FAIM2: variants seen among roughly 807,000 people sequenced by gnomAD.
FAIM2 encodes the protein protein lifeguard 2.
A neutral mutation model predicts 47.4 loss-of-function variants in FAIM2; 27 were observed. That is an observed-to-expected ratio of 0.57 (90% confidence interval 0.42 to 0.78). FAIM2 has a LOEUF of 0.78. Ranked by LOEUF, FAIM2 falls within the 30% of genes least tolerant of loss-of-function variation. The pLI is 0.00. For missense variants in FAIM2, 311 were observed against 389.4 expected, an observed-to-expected ratio of 0.80 and a Z score of 1.69; for synonymous variants, 156 against 159.3, an observed-to-expected ratio of 0.98 and a Z score of 0.16.
At chr12:49,877,986 TTA>T (rs1946750911) in intron 11 of FAIM2, among the ~76,000 whole-genome samples, 2 of 147,522 alleles carry the variant, frequency 1.4e-5, no homozygotes, top group Non-Finnish European at 3.0e-5. Context: ...ATGTATGTGT[TTA>T]TGTGTATGTG....
chr12:49,878,844 A>G (rs1797075583), intron 11 of FAIM2, among the ~76,000 whole-genome samples: 1 of 56,222 alleles, frequency 1.8e-5, no homozygotes, highest in Non-Finnish European at 3.1e-5. Context: ...ATGTGTGTGC[A>G]TGTGTGTATG....
At chr12:49,897,855 G>T (rs1946950132) in intron 3 of FAIM2, 132 bp downstream of exon 3, 3 of 711,288 alleles carry the variant, frequency 4.2e-6, no homozygotes, top group African/African-American at 1.8e-5. Context: ...AATTCCTAGT[G>T]GGTGCTGTCA....
At chr12:49,897,808 G>A (rs1176494944) in intron 3 of FAIM2, among the ~76,000 whole-genome samples, 179 bp downstream of exon 3, 9 of 152,186 alleles carry the variant, frequency 5.9e-5, no homozygotes, top group Non-Finnish European at 8.8e-5. Context: ...GTGTGTTTAG[G>A]TGTAGCACAG....
chr12:49,877,792 ATATG>A lies in FAIM2; in HGVS notation c.802-7143_802-7140del, dbSNP rs1193826667. Reference sequence around the variant, plus strand: ...TATGTATATGTGTGTGCATGTGTATATATGTGTGTGAGTGTGCGTATGTGTATGT... The same window carrying A: ...TATGTATATGTGTGTGCATGTGTATATGTGTGAGTGTGCGTATGTGTATGT... On this transcript the variant is annotated intron_variant, in intron 11 of 11. Transcript: ENST00000320634. Among the ~76,000 whole-genome samples, 4 of 151,408 alleles carry A rather than the reference ATATG, an allele frequency of 2.6e-5. No individual in the cohort carries two copies. In the East Asian group the frequency reaches 5.8e-4, roughly 22 times the overall value.
intron 11 of FAIM2, among the ~76,000 whole-genome samples, chr12:49,871,875 A>G (rs572086508): frequency 6.6e-6 from 1 of 152,266 alleles, no homozygotes; most frequent in Non-Finnish European, 1.5e-5. Context: ...CATGTTGGTC[A>G]GGCTGGTCCT....
In FAIM2 at chr12:49,868,869, C is replaced by T. The variant is rs992003734; in HGVS notation, c.*1635G>A. On this transcript the variant is annotated 3_prime_UTR_variant, in exon 12 of 12. Transcript: ENST00000320634. ...CCCGCCAGTTCTTGGCTCCTTTTCTCTTCAAATATCCAAGATGGAACAAAA... is the reference window on the plus strand; with the variant it reads ...CCCGCCAGTTCTTGGCTCCTTTTCTTTTCAAATATCCAAGATGGAACAAAA... 1 of 152,262 alleles carries T rather than the reference C, an allele frequency of 6.6e-6. No homozygotes were observed. The highest frequency in any genetic ancestry group is 2.4e-5 in the African/African-American group (1 of 41,436). 9.4% of individuals were successfully genotyped at this position (152,262 alleles called of 1,614,324 possible). A position where few individuals can be genotyped will look rare whatever the true frequency, so the allele number is the denominator to read the frequency against.
At chr12:49,901,418 C>G in intron 1 of FAIM2, 93 bp from the exon 2 acceptor site, 1 of 1,011,602 alleles carries the variant, frequency 9.9e-7, no homozygotes, top group Non-Finnish European at 1.4e-6. Flanking sequence ...CTGGAACTTT[C>G]ATGGTTCCTT....
chr12:49,881,687 C>A (rs547359400), intron 11 of FAIM2, among the ~76,000 whole-genome samples: 10 of 152,290 alleles, frequency 6.6e-5, no homozygotes, highest in African/African-American at 1.9e-4. Context: ...TGGGAGGATT[C>A]GGCCACTCTG....
intron 1 of FAIM2, 121 bp downstream of exon 1, chr12:49,903,657 G>A (rs144899618): frequency 1.6e-5 from 21 of 1,308,740 alleles, no homozygotes; most frequent in East Asian, 1.3e-4. Flanking sequence ...CAAGGACCAC[G>A]GAGGACCTTC....
chr12:49,880,681 T>G (rs1182459735), intron 11 of FAIM2, among the ~76,000 whole-genome samples: 1 of 152,016 alleles, frequency 6.6e-6, no homozygotes, highest in African/African-American at 2.4e-5. Flanking sequence ...TGTCTATATG[T>G]GCATGTGTAT....
At chr12:49,892,206 T>C (rs1178277309) in intron 5 of FAIM2, among the ~76,000 whole-genome samples, 1 of 152,078 alleles carries the variant, frequency 6.6e-6, no homozygotes, top group Non-Finnish European at 1.5e-5. Context: ...TATCATGTGG[T>C]GCTACTTGCC....
At chr12:49,896,768 C>G (rs558486681) in intron 5 of FAIM2, among the ~76,000 whole-genome samples, 7 of 152,356 alleles carry the variant, frequency 4.6e-5, no homozygotes, top group Middle Eastern at 3.4e-3. Flanking sequence ...ATAGCCCTGG[C>G]CCGACCCTTC....
At chr12:49,900,354 G>A in intron 2 of FAIM2, 3 of 448,584 alleles carry the variant, frequency 6.7e-6, no homozygotes, top group Non-Finnish European at 1.1e-5. Context: ...GGCTGCTGAG[G>A]AAGGCCACAG....
rs1323770645 is a variant in FAIM2 at position 49,878,819 on chromosome 12, TGTATATGTGA to T, written c.802-8176_802-8167del. Among the ~76,000 whole-genome samples, 139 of 75,352 alleles carry T rather than the reference TGTATATGTGA, an allele frequency of 1.8e-3. 1 individual carries two copies. Among genetic ancestry groups the T allele is most frequent in the African/African-American group, 4.6e-3 (56 of 12,058 alleles). 49.4% of individuals were successfully genotyped at this position (75,352 alleles called of 152,430 possible). A position where few individuals can be genotyped will look rare whatever the true frequency, so the allele number is the denominator to read the frequency against. On this transcript the variant is annotated intron_variant, in intron 11 of 11. Transcript: ENST00000320634. Reference sequence around the variant, plus strand: ...GTGTATATGTGTGCATGTGAATGTGTGTATATGTGAGTGTATGTGTGTGCATGTGTGTATG... The same window carrying T: ...GTGTATATGTGTGCATGTGAATGTGTGTGTATGTGTGTGCATGTGTGTATG...
chr12:49,881,173 C>A (rs1429195210), intron 11 of FAIM2, among the ~76,000 whole-genome samples: 2 of 152,188 alleles, frequency 1.3e-5, no homozygotes, highest in African/African-American at 4.8e-5. Context: ...CACAGTCTCC[C>A]TGCCCCCACC....
chr12:49,902,350 A>T (rs1045612794), intron 1 of FAIM2: 1 of 152,250 alleles, frequency 6.6e-6, no homozygotes, highest in African/African-American at 2.4e-5. Context: ...GGTTCCCAGA[A>T]GACTGTGTTA....
chr12:49,899,949 G>GA (rs1329178879), intron 2 of FAIM2, among the ~76,000 whole-genome samples: 3 of 152,236 alleles, frequency 2.0e-5, no homozygotes, highest in African/African-American at 7.2e-5. Context: ...GAGGATATGG[G>GA]AAATGAGGAA....
rs1443443932 is a variant in FAIM2 at position 49,879,022 on chromosome 12, A to C, written c.801+8364T>G. Reference sequence around the variant, plus strand: ...TGTGTATGTGCATGTGTGTATGTGTATGTGTGTGTCTGTGTGCATGAGTTT... The same window carrying C: ...TGTGTATGTGCATGTGTGTATGTGTCTGTGTGTGTCTGTGTGCATGAGTTT... On this transcript the variant is annotated intron_variant, in intron 11 of 11. Transcript: ENST00000320634. Among the ~76,000 whole-genome samples, 2 of 121,796 alleles carry C rather than the reference A, an allele frequency of 1.6e-5. 1 individual carries two copies. The highest frequency in any genetic ancestry group is 5.8e-4 in the South Asian group (2 of 3,440). 79.9% of individuals were successfully genotyped at this position (121,796 alleles called of 152,430 possible). A position where few individuals can be genotyped will look rare whatever the true frequency, so the allele number is the denominator to read the frequency against.
chr12:49,875,573 C>T lies in FAIM2; in HGVS notation c.802-4920G>A, dbSNP rs192697231. Among the ~76,000 whole-genome samples the T allele has an allele frequency of 7.2e-5, 11 of 152,240 alleles. No homozygotes were observed. In the East Asian group the frequency reaches 1.9e-3, roughly 27 times the overall value. Reference sequence around the variant, plus strand: ...GACAACATTTGCACCCCCAGGAGGGCCACCAAAGGAACAGGGTCTGGCAGG... The same window carrying T: ...GACAACATTTGCACCCCCAGGAGGGTCACCAAAGGAACAGGGTCTGGCAGG... On this transcript the variant is annotated intron_variant, in intron 11 of 11. Transcript: ENST00000320634.
Sources: allele counts gnomAD v4.1 joint callset (sites outside exome capture counted in the v4.1 genomes callset), GRCh38; gene constraint gnomAD v4.1.1; transcripts MANE v1.5; gene names NCBI Gene and HGNC (gene_info 2026-07-23, HGNC 2026-07-21).